CEP55: variants seen among roughly 807,000 people sequenced by gnomAD.
CEP55 encodes the protein centrosomal protein of 55 kDa.
CEP55 carries 57 observed loss-of-function variants against 63.2 expected under a neutral mutation model. The observed-to-expected ratio is 0.90, with a 90% CI of 0.73 to 1.13. CEP55 has a LOEUF of 1.13. CEP55 is among the 50% of genes most tolerant of loss of function. CEP55 has a pLI of 0.00. For synonymous variants in CEP55, 178 were observed against 191.6 expected, an observed-to-expected ratio of 0.93 and a Z score of 0.59; for missense variants, 456 against 518.9, an observed-to-expected ratio of 0.88 and a Z score of 1.18.
At chr10:93,516,292 C>T (rs2057802628) in intron 5 of CEP55, among the ~76,000 whole-genome samples, 1 of 152,154 alleles carries the variant, frequency 6.6e-6, no homozygotes, top group Non-Finnish European at 1.5e-5. Flanking sequence ...TATTTGAATA[C>T]TTAAAACAAA....
intron 3 of CEP55, among the ~76,000 whole-genome samples, chr10:93,504,065 T>C (rs553295350): frequency 6.6e-6 from 1 of 152,312 alleles, no homozygotes; most frequent in South Asian, 2.1e-4. Context: ...TAAATATGTA[T>C]GTAAATTGCC....
chr10:93,514,582 G>T (rs1415082827), intron 4 of CEP55, among the ~76,000 whole-genome samples: 1 of 152,210 alleles, frequency 6.6e-6, no homozygotes, highest in Non-Finnish European at 1.5e-5. Flanking sequence ...CCCCATGGGG[G>T]GCTCCAGAGC....
At chr10:93,507,385 T>A (rs77582171) in intron 4 of CEP55, among the ~76,000 whole-genome samples, 82 of 152,018 alleles carry the variant, frequency 5.4e-4, no homozygotes, top group African/African-American at 1.7e-3. Flanking sequence ...CACACTCCGC[T>A]AAGTTTTTGT....
intron 8 of CEP55, among the ~76,000 whole-genome samples, chr10:93,520,848 G>T (rs796516565): frequency 3.3e-5 from 5 of 152,178 alleles, no homozygotes; most frequent in African/African-American, 1.2e-4. Context: ...TTTTGGCTCT[G>T]TTCTTAAGTA....
intron 2 of CEP55, among the ~76,000 whole-genome samples, chr10:93,502,064 A>G (rs2057641145): frequency 6.6e-6 from 1 of 152,200 alleles, no homozygotes; most frequent in African/African-American, 2.4e-5. Flanking sequence ...ATGTAAGGAA[A>G]TTTTGCTTCC....
chr10:93,497,132 A>C (rs2057577597), intron 1 of CEP55, among the ~76,000 whole-genome samples: 2 of 152,178 alleles, frequency 1.3e-5, no homozygotes, highest in African/African-American at 4.8e-5. Context: ...GGGAATTTTT[A>C]AAGATTGGCG....
chr10:93,522,164 G>A (rs1179367177), intron 8 of CEP55, among the ~76,000 whole-genome samples: 5 of 152,296 alleles, frequency 3.3e-5, no homozygotes, highest in East Asian at 3.9e-4. Flanking sequence ...GTTCGAACCC[G>A]TGGCAAAGAA....
At position 93,515,449 on chromosome 10, in the gene CEP55, G is replaced by A. The variant is rs762301544; in HGVS notation, c.573G>A (p.Arg191=). Residue 191 remains arginine, a synonymous_variant, in exon 5 of 9, where the codon CGG becomes CGA. Coordinates refer to ENST00000371485, the MANE Select transcript of CEP55 (RefSeq NM_018131.5). ...NQQWLVYDQQ[R]EVYVKGLLAK... is the part of the protein sequence containing the mutation. ...AGTGGCTCGTGTATGATCAGCAGCG[G>A]GAAGTCTATGTAAAAGGACTTTTAG... 3.5e-5 allele frequency: 57 copies of A among 1,613,308 alleles called. No homozygotes were observed. Among genetic ancestry groups the A allele is most frequent in the Non-Finnish European group, 4.8e-5 (57 of 1,179,368 alleles).
intron 4 of CEP55, among the ~76,000 whole-genome samples, chr10:93,510,937 CTT>C (rs572255812): frequency 6.8e-5 from 8 of 118,082 alleles, no homozygotes; most frequent in Admixed American, 1.8e-4. Flanking sequence ...TTCCACAGGA[CTT>C]TTTTTTTTTT....
Position 93,503,231 on chromosome 10 carries a change from T to C in CEP55, c.302T>C (p.Leu101Pro). The change falls in exon 3 of 9, where the codon CTT becomes CCT. Residue 101 changes from leucine (L) to proline (P), a missense_variant. Coordinates refer to ENST00000371485, the MANE Select transcript of CEP55 (RefSeq NM_018131.5). ...LKARYSTTTL[L>P]EQLEETTREG... ...GCCAGATATAGTACTACCACATTGC[T>C]TGAACAGCTGGAAGAGACAACGAGA... is the stretch of plus-strand genomic sequence containing the variant. 1 of 1,614,010 alleles carries C rather than the reference T, an allele frequency of 6.2e-7. No homozygotes were observed. Among genetic ancestry groups the C allele is most frequent in the Non-Finnish European group, 8.5e-7 (1 of 1,179,970 alleles).
At chr10:93,508,416 G>T (rs930614950) in intron 4 of CEP55, among the ~76,000 whole-genome samples, 2 of 152,116 alleles carry the variant, frequency 1.3e-5, no homozygotes, top group Non-Finnish European at 2.9e-5. Context: ...TTCAAAAGAA[G>T]AATTTAAATC....
At chr10:93,515,766 C>A (rs2057798034) in intron 5 of CEP55, among the ~76,000 whole-genome samples, 1 of 152,178 alleles carries the variant, frequency 6.6e-6, no homozygotes, top group South Asian at 2.1e-4. Flanking sequence ...AATGGGTGAT[C>A]TTTGGCAGTT....
intron 4 of CEP55, among the ~76,000 whole-genome samples, chr10:93,508,841 C>A (rs1165404357): frequency 6.6e-6 from 1 of 152,210 alleles, no homozygotes; most frequent in Non-Finnish European, 1.5e-5. Flanking sequence ...AATTCCTATT[C>A]TTTTCTCCTG....
chr10:93,524,358 C>T (rs915830489), intron 8 of CEP55, among the ~76,000 whole-genome samples: 18 of 151,904 alleles, frequency 1.2e-4, no homozygotes, highest in African/African-American at 2.9e-4. Flanking sequence ...ATAAATTCCT[C>T]GACACATACA....
chr10:93,514,381 T>A (rs1005629848), intron 4 of CEP55, among the ~76,000 whole-genome samples: 2 of 152,126 alleles, frequency 1.3e-5, no homozygotes, highest in African/African-American at 4.8e-5. Flanking sequence ...TTATAAAAGA[T>A]CATATAAAGG....
At chr10:93,518,055 T>G (rs2057821941) in intron 6 of CEP55, among the ~76,000 whole-genome samples, 1 of 152,222 alleles carries the variant, frequency 6.6e-6, no homozygotes, top group Non-Finnish European at 1.5e-5. Flanking sequence ...TTGCTACTAT[T>G]TTAATAATAA....
chr10:93,518,211 G>A (rs562797266), intron 6 of CEP55, among the ~76,000 whole-genome samples: 16 of 151,482 alleles, frequency 1.1e-4, no homozygotes, highest in South Asian at 1.0e-3. Context: ...ATGCAATGGC[G>A]TAATCTCAGC....
intron 4 of CEP55, among the ~76,000 whole-genome samples, chr10:93,509,903 A>C (rs2057726978): frequency 1.3e-5 from 2 of 152,348 alleles, no homozygotes; most frequent in African/African-American, 4.8e-5. Flanking sequence ...ACATGGAAAG[A>C]GACATCTCAC....
chr10:93,518,788 T>G, intron 6 of CEP55, 89 bp from the exon 7 acceptor site: 21 of 831,514 alleles, frequency 2.5e-5, no homozygotes, highest in Non-Finnish European at 4.1e-5. Context: ...GTTAGAGATG[T>G]GAGACTTGTG....
Sources: allele counts gnomAD v4.1 joint callset (sites outside exome capture counted in the v4.1 genomes callset), GRCh38; gene constraint gnomAD v4.1.1; transcripts MANE v1.5; gene names NCBI Gene and HGNC (gene_info 2026-07-23, HGNC 2026-07-21).